CREB3L2: variants seen among roughly 807,000 people sequenced by gnomAD.
CREB3L2 encodes the protein cyclic AMP-responsive element-binding protein 3-like protein 2.
A neutral mutation model predicts 57.2 loss-of-function variants in CREB3L2; 23 were observed. The ratio of observed to expected loss-of-function variants is 0.40; its 90% CI spans 0.29 to 0.57. CREB3L2 has a LOEUF of 0.57. CREB3L2 is among the 20% of genes least tolerant of loss of function. CREB3L2 has a pLI of 0.42. For missense variants in CREB3L2, 628 were observed against 634.7 expected (o/e 0.99, Z 0.11); for synonymous variants, 268 against 265.1 (o/e 1.01, Z -0.11).
chr7:137,899,164 G>GGAAGGAAGGAAA, intron 8 of CREB3L2, among the ~76,000 whole-genome samples: 1 of 102,772 alleles, frequency 9.7e-6, no homozygotes, highest in South Asian at 3.1e-4. Context: ...AAGGAAGGAA[G>GGAAGGAAGGAAA]GAAGGAACAC....
chr7:137,969,496 G>A (rs954960362), intron 1 of CREB3L2, among the ~76,000 whole-genome samples: 1 of 151,500 alleles, frequency 6.6e-6, no homozygotes, highest in African/African-American at 2.4e-5. Flanking sequence ...ACAGGCGCCC[G>A]CCATCACACC....
intron 10 of CREB3L2, 194 bp downstream of exon 10, chr7:137,884,801 T>C: frequency 1.4e-6 from 1 of 690,578 alleles, no homozygotes; most frequent in South Asian, 1.6e-5. Context: ...CTCTGGAGAA[T>C]TCCCAGTGAT....
intron 8 of CREB3L2, among the ~76,000 whole-genome samples, chr7:137,889,451 C>T (rs1309439375): frequency 1.3e-5 from 2 of 152,340 alleles, no homozygotes; most frequent in Non-Finnish European, 1.5e-5. Flanking sequence ...TCTGAATCCA[C>T]TGCAAATGAA....
At chr7:137,976,110 C>T (rs1221187555) in intron 1 of CREB3L2, among the ~76,000 whole-genome samples, 4 of 152,210 alleles carry the variant, frequency 2.6e-5, no homozygotes, top group Non-Finnish European at 5.9e-5. Context: ...GCCCAATGGC[C>T]CTCAGAACTC....
At chr7:137,961,760 T>C (rs1156300107) in intron 1 of CREB3L2, among the ~76,000 whole-genome samples, 1 of 152,200 alleles carries the variant, frequency 6.6e-6, no homozygotes, top group Non-Finnish European at 1.5e-5. Context: ...CCTTGGTCAC[T>C]CCGCTCTAAG....
chr7:137,956,933 C>A (rs954375432), intron 1 of CREB3L2, among the ~76,000 whole-genome samples: 2 of 152,214 alleles, frequency 1.3e-5, no homozygotes, highest in African/African-American at 4.8e-5. Context: ...TAGAGCTGAA[C>A]AGCATTTCCT....
chr7:137,903,197 T>C (rs1799800813), intron 7 of CREB3L2, among the ~76,000 whole-genome samples: 1 of 152,204 alleles, frequency 6.6e-6, no homozygotes, highest in Non-Finnish European at 1.5e-5. Flanking sequence ...GAGCCAACTA[T>C]ACTTAATGCT....
intron 3 of CREB3L2, among the ~76,000 whole-genome samples, chr7:137,915,146 A>G (rs1046283302): frequency 2.6e-5 from 4 of 152,178 alleles, no homozygotes; most frequent in Non-Finnish European, 5.9e-5. Flanking sequence ...CAACACTTGC[A>G]AGAAGATGTA....
chr7:137,897,275 T>C (rs1036626948), intron 8 of CREB3L2, among the ~76,000 whole-genome samples: 9 of 152,130 alleles, frequency 5.9e-5, no homozygotes, highest in African/African-American at 1.9e-4. Flanking sequence ...AACAAAAAAC[T>C]TTCCCTGCTT....
intron 2 of CREB3L2, among the ~76,000 whole-genome samples, chr7:137,923,747 T>C (rs1800385982): frequency 6.6e-6 from 1 of 152,244 alleles, no homozygotes; most frequent in Non-Finnish European, 1.5e-5. Flanking sequence ...GCTGCAGGTT[T>C]CATCAAATCA....
chr7:137,920,583 C>T (rs555557500), intron 2 of CREB3L2, among the ~76,000 whole-genome samples: 9 of 152,130 alleles, frequency 5.9e-5, no homozygotes, highest in Admixed American at 2.6e-4. Context: ...ACAATATAGC[C>T]GAATGTATGA....
chr7:137,977,544 T>C (rs1801629596), intron 1 of CREB3L2, among the ~76,000 whole-genome samples: 1 of 152,146 alleles, frequency 6.6e-6, no homozygotes, highest in Non-Finnish European at 1.5e-5. Flanking sequence ...ATTAATTTCA[T>C]TTTGAAGGCA....
intron 2 of CREB3L2, among the ~76,000 whole-genome samples, chr7:137,924,075 G>T (rs1800392449): frequency 6.6e-6 from 1 of 152,038 alleles, no homozygotes; most frequent in Admixed American, 6.6e-5. Flanking sequence ...TAAATTTAAG[G>T]TATCTGTAGT....
chr7:137,891,024 G>A (rs1200291083), intron 8 of CREB3L2, among the ~76,000 whole-genome samples: 1 of 152,154 alleles, frequency 6.6e-6, no homozygotes, highest in Non-Finnish European at 1.5e-5. Flanking sequence ...GGGCTTCCGG[G>A]AACAAAATCT....
chr7:137,885,341 GGA>G, intron 9 of CREB3L2, 60 bp downstream of exon 9: 2 of 1,410,162 alleles, frequency 1.4e-6, no homozygotes, highest in South Asian at 2.4e-5. Flanking sequence ...GCAAGTGGAG[GGA>G]GAGGGGAGAC....
chr7:137,936,611 G>A (rs377253107), intron 1 of CREB3L2, among the ~76,000 whole-genome samples: 1 of 152,014 alleles, frequency 6.6e-6, no homozygotes, highest in African/African-American at 2.4e-5. Context: ...TGCTCCTTTT[G>A]GGAATCTAAT....
intron 2 of CREB3L2, 37 bp from the exon 3 acceptor site, chr7:137,916,049 T>G: frequency 6.4e-7 from 1 of 1,560,804 alleles, no homozygotes; most frequent in Non-Finnish European, 8.7e-7. Flanking sequence ...GTGAACTTGT[T>G]CAGGGCATCA....
intron 2 of CREB3L2, among the ~76,000 whole-genome samples, chr7:137,927,663 T>C (rs999050179): frequency 8.6e-5 from 13 of 151,180 alleles, no homozygotes; most frequent in Admixed American, 2.6e-4. Flanking sequence ...GAAAGGGTAA[T>C]CAACAAGAAA....
chr7:137,922,696 G>A (rs1256870071), intron 2 of CREB3L2: 1 of 442,098 alleles, frequency 2.3e-6, no homozygotes, highest in Non-Finnish European at 4.6e-6. Flanking sequence ...TGAAAATACA[G>A]TATTCATAGG....
Sources: gnomAD v4.1 joint callset for allele counts (sites outside exome capture counted in the v4.1 genomes callset) on GRCh38, gnomAD v4.1.1 for gene constraint, MANE v1.5 for transcripts, NCBI Gene and HGNC (gene_info 2026-07-23, HGNC 2026-07-21) for gene names.